Variants in UVSSA observed in about 807,000 individuals in gnomAD.
UVSSA encodes UV stimulated scaffold protein A.
UVSSA carries 72 observed loss-of-function variants against 73.9 expected under a neutral mutation model. That is an observed-to-expected ratio of 0.97 (90% confidence interval 0.81 to 1.19). UVSSA has a LOEUF of 1.19. Ranked by LOEUF, UVSSA falls within the 50% of genes most tolerant of loss-of-function variation. The probability of loss-of-function intolerance (pLI) is 0.00; values close to 1 mark genes in which losing one functional copy is unlikely to be tolerated. For synonymous variants in UVSSA, 454 were observed against 391.3 expected, an observed-to-expected ratio of 1.16 and a Z score of -1.89; for missense variants, 1,150 against 965.0, an observed-to-expected ratio of 1.19 and a Z score of -2.54.
upstream of UVSSA, among the ~76,000 whole-genome samples, chr4:1,344,490 G>T (rs1488474161): frequency 6.6e-6 from 1 of 152,158 alleles, no homozygotes; most frequent in Non-Finnish European, 1.5e-5. Flanking sequence ...GGCAGAGGTT[G>T]CAGTGAGCCG....
chr4:1,379,381 CT>C (rs1436502154), intron 10 of UVSSA, among the ~76,000 whole-genome samples: 2 of 152,236 alleles, frequency 1.3e-5, no homozygotes, highest in Non-Finnish European at 2.9e-5. Context: ...GGCCGGCCTC[CT>C]CTTGGCCGGC....
intron 6 of UVSSA, 91 bp from the exon 7 acceptor site, chr4:1,355,026 G>C: frequency 6.4e-7 from 1 of 1,563,624 alleles, no homozygotes; most frequent in Non-Finnish European, 8.7e-7. Flanking sequence ...GGACCCCCCG[G>C]GCCAGTGGAC....
chr4:1,366,188 T>G (rs1717300344), intron 7 of UVSSA, 132 bp from the exon 8 acceptor site: 2 of 704,518 alleles, frequency 2.8e-6, no homozygotes, highest in African/African-American at 3.6e-5. Flanking sequence ...AGTCCAACCG[T>G]GGCTGATGTT....
chr4:1,381,204 G>C (rs961836181), intron 12 of UVSSA, among the ~76,000 whole-genome samples: 3 of 152,240 alleles, frequency 2.0e-5, no homozygotes, highest in Admixed American at 6.5e-5. Flanking sequence ...GCTTTAGGGG[G>C]TCACGTGTTC....
In UVSSA at chr4:1,376,032, A is replaced by T. The variant is rs1718723707; in HGVS notation, c.1434-2A>T. The T allele has an allele frequency of 1.3e-6, 2 of 1,591,792 alleles. No homozygotes were observed. Among genetic ancestry groups the T allele is most frequent in the Non-Finnish European group, 1.7e-6 (2 of 1,170,598 alleles). On this transcript the variant is annotated splice_acceptor_variant, in intron 9 of 13. Coordinates refer to ENST00000389851, the MANE Select transcript of UVSSA (RefSeq NM_020894.4). LOFTEE classifies it high-confidence loss of function. ...TCAGGCTGTCCCACTCTGCTCCTGTAGCCCCTCCAGAGCGTTGCCAGAGCC... is the reference window on the plus strand; with the variant it reads ...TCAGGCTGTCCCACTCTGCTCCTGTTGCCCCTCCAGAGCGTTGCCAGAGCC...
rs760784002 is a variant in UVSSA, at chr4:1,385,979, A to G, written c.*18A>G. 6.2e-7 allele frequency: 1 copy of G among 1,613,108 alleles called. No individual in the cohort carries two copies. The highest frequency in any genetic ancestry group is 8.5e-7 in the Non-Finnish European group (1 of 1,179,338). Reference sequence around the variant, plus strand: ...TGAACTAGAGAGCGGGGCCCAGTGCACTGGCCATCAGCACTTTCTCCCTCT... The same window carrying G: ...TGAACTAGAGAGCGGGGCCCAGTGCGCTGGCCATCAGCACTTTCTCCCTCT... On this transcript the variant is annotated 3_prime_UTR_variant, in exon 14 of 14. Coordinates refer to ENST00000389851, the MANE Select transcript of UVSSA (RefSeq NM_020894.4).
In UVSSA at chr4:1,354,993, C is replaced by T; in HGVS notation, c.1048-124C>T. 6 of 1,530,714 alleles carry T rather than the reference C, an allele frequency of 3.9e-6. No homozygotes were observed. The South Asian group carries it at 6.3e-5, about 16-fold the overall frequency. 94.8% of individuals were successfully genotyped at this position (1,530,714 alleles called of 1,614,324 possible). ...CTCTGTCCCTCACCCGCAGCTTTGT[C>T]CTCTGCATCCCAGGTGTGCCAGGGA... On this transcript the variant is annotated intron_variant, in intron 6 of 13. Coordinates refer to ENST00000389851, the MANE Select transcript of UVSSA (RefSeq NM_020894.4).
chr4:1,370,794 A>G (rs1309018166), intron 8 of UVSSA, among the ~76,000 whole-genome samples: 2 of 152,218 alleles, frequency 1.3e-5, no homozygotes, highest in African/African-American at 4.8e-5. Flanking sequence ...TCAGTGGCCC[A>G]AGTCAGAGGT....
intron 1 of UVSSA, 27 bp downstream of exon 1, chr4:1,347,787 CGTTGGGGA>C (rs1713938806): frequency 6.4e-6 from 2 of 313,880 alleles, no homozygotes; most frequent in Non-Finnish European, 1.2e-5. Flanking sequence ...GCAACAGTCA[CGTTGGGGA>C]AAAGCTGATT....
intron 10 of UVSSA, among the ~76,000 whole-genome samples, chr4:1,376,939 C>T (rs1391779355): frequency 6.6e-6 from 1 of 152,220 alleles, no homozygotes; most frequent in African/African-American, 2.4e-5. Flanking sequence ...TCCCCCTGGC[C>T]TCTTGCCAGT....
chr4:1,369,911 C>T (rs777254997), intron 8 of UVSSA, among the ~76,000 whole-genome samples: 3 of 152,248 alleles, frequency 2.0e-5, no homozygotes, highest in Non-Finnish European at 4.4e-5. Context: ...GCGCCGCGTT[C>T]GGCTGTGACG....
chr4:1,346,173 A>C (rs908293798), upstream of UVSSA, among the ~76,000 whole-genome samples: 1 of 152,208 alleles, frequency 6.6e-6, no homozygotes, highest in African/African-American at 2.4e-5. Context: ...CTTTACTGAG[A>C]TATAACTCAC....
In UVSSA at chr4:1,353,197, T is replaced by A. The variant is rs1715070909; in HGVS notation, c.718T>A (p.Ser240Thr). Residue 240 changes from serine to threonine, a missense_variant, in exon 5 of 14, where the codon TCT becomes ACT. By Grantham distance (58) the Ser-to-Thr change is moderately conservative. Coordinates refer to ENST00000389851, the MANE Select transcript of UVSSA (RefSeq NM_020894.4). ...CGCGGGCCAGGTGGGCCCCTGCCGGTCTGGCACCCCTGACCCCCGGGACGG... is the reference window on the plus strand; with the variant it reads ...CGCGGGCCAGGTGGGCCCCTGCCGGACTGGCACCCCTGACCCCCGGGACGG... ...SCAGQVGPCR[S>T]GTPDPRDGEQ... 1 of 1,612,628 alleles carries A rather than the reference T, an allele frequency of 6.2e-7. No homozygotes were observed. The highest frequency in any genetic ancestry group is 8.5e-7 in the Non-Finnish European group (1 of 1,179,966).
intron 7 of UVSSA, 141 bp downstream of exon 7, chr4:1,355,386 GCC>G (rs1233631416): frequency 6.2e-6 from 5 of 811,674 alleles, no homozygotes; most frequent in Non-Finnish European, 9.6e-6. Flanking sequence ...AGCAGGACCT[GCC>G]TCCCCAGCGA....
At chr4:1,389,560 G>A (rs972973913), downstream of UVSSA, 3 of 152,152 alleles carry the variant, frequency 2.0e-5, no homozygotes, top group Non-Finnish European at 4.4e-5. Context: ...CTTATTTTTG[G>A]TAGAGATGGG....
chr4:1,383,118 T>A (rs1357468386), intron 12 of UVSSA, among the ~76,000 whole-genome samples: 1 of 152,056 alleles, frequency 6.6e-6, no homozygotes, highest in Non-Finnish European at 1.5e-5. Context: ...GCTGTTGACA[T>A]TTCTGTCCCC....
chr4:1,386,234 G>T lies in UVSSA; in HGVS notation c.*273G>T. ...ACCCTGTTCCAGAGGGCTTCTGCGAGTCCTCGTGAGACCAGTGCTTGTCGT... is the reference window on the plus strand; with the variant it reads ...ACCCTGTTCCAGAGGGCTTCTGCGATTCCTCGTGAGACCAGTGCTTGTCGT... On this transcript the variant is annotated 3_prime_UTR_variant, in exon 14 of 14. Coordinates refer to ENST00000389851, the MANE Select transcript of UVSSA (RefSeq NM_020894.4). 2.3e-6 allele frequency: 1 copy of T among 438,434 alleles called. No individual in the cohort carries two copies. The highest frequency in any genetic ancestry group is 4.2e-6 in the Non-Finnish European group (1 of 236,484). 27.2% of individuals were successfully genotyped at this position (438,434 alleles called of 1,614,324 possible).
chr4:1,345,016 G>C (rs539179603), upstream of UVSSA, among the ~76,000 whole-genome samples: 1 of 152,320 alleles, frequency 6.6e-6, no homozygotes, highest in South Asian at 2.1e-4. Flanking sequence ...GCCACGACAG[G>C]TTTTGCCTTG....
chr4:1,375,321 G>T (rs1718627515), intron 8 of UVSSA, 43 bp from the exon 9 acceptor site: 1 of 1,608,190 alleles, frequency 6.2e-7, no homozygotes, highest in African/African-American at 1.3e-5. Context: ...TGCCTGGCGG[G>T]TTGTGGGAGT....
Sources: allele counts gnomAD v4.1 joint callset (sites outside exome capture counted in the v4.1 genomes callset), GRCh38; gene constraint gnomAD v4.1.1; transcripts MANE v1.5; gene names NCBI Gene and HGNC (gene_info 2026-07-23, HGNC 2026-07-21).